The following SEC63 variants were observed in gnomAD, a reference collection of about 807,000 sequenced individuals.
The protein encoded by SEC63 is SEC63 protein translocation regulator.
A neutral mutation model predicts 116.2 loss-of-function variants in SEC63; 56 were observed. The observed-to-expected ratio is 0.48, with a 90% CI of 0.39 to 0.60. SEC63 has a LOEUF of 0.60. SEC63 is among the 20% of genes least tolerant of loss of function. The probability of loss-of-function intolerance (pLI) is 0.00; values close to 1 mark genes in which losing one functional copy is unlikely to be tolerated. For missense variants in SEC63, 668 were observed against 900.0 expected, an observed-to-expected ratio of 0.74 and a Z score of 3.30; for synonymous variants, 273 against 294.6, an observed-to-expected ratio of 0.93 and a Z score of 0.75.
At chr6:107,874,845 A>G (rs545331003) in intron 19 of SEC63, among the ~76,000 whole-genome samples, 111 of 152,062 alleles carry the variant, frequency 7.3e-4, no homozygotes, top group Middle Eastern at 6.8e-3. Flanking sequence ...ACCCAGCTAC[A>G]ATGTGTGATC....
intron 2 of SEC63, among the ~76,000 whole-genome samples, chr6:107,925,164 T>C (rs1036216395): frequency 3.9e-5 from 6 of 152,226 alleles, no homozygotes; most frequent in African/African-American, 1.4e-4. Context: ...ATTTTCTCAG[T>C]TACTATTTGC....
chr6:107,876,506 G>A lies in SEC63; in HGVS notation c.2034+58C>T, dbSNP rs1786269808. ...TTTTAAAAAAAAGATATATGAAGCA[G>A]CATGATGGTGACAGCTGTGCCTTGT... On this transcript the variant is annotated intron_variant, in intron 19 of 20. Coordinates refer to ENST00000369002, the MANE Select transcript of SEC63 (RefSeq NM_007214.5). The A allele has an allele frequency of 4.0e-6, 4 of 987,704 alleles. No individual in the cohort carries two copies. In the Admixed American group the frequency reaches 5.1e-5, roughly 13 times the overall value. The allele number at this position is 987,704 out of a possible 1,614,324, so 61.2% of individuals were successfully genotyped here. A position where few individuals can be genotyped will look rare whatever the true frequency, so the allele number is the denominator to read the frequency against.
intron 1 of SEC63, among the ~76,000 whole-genome samples, chr6:107,940,096 G>A (rs998433032): frequency 4.6e-5 from 7 of 152,132 alleles, no homozygotes; most frequent in Non-Finnish European, 7.4e-5. Flanking sequence ...TTACAGAAAC[G>A]TGGGTCCTAC....
intron 7 of SEC63, chr6:107,911,091 A>G: frequency 2.1e-6 from 1 of 482,712 alleles, no homozygotes. Flanking sequence ...TTAAAAGTAT[A>G]GTTATATAAT....
At chr6:107,879,348 CAG>C (rs1478146963) in intron 18 of SEC63, among the ~76,000 whole-genome samples, 3 of 151,788 alleles carry the variant, frequency 2.0e-5, no homozygotes, top group Non-Finnish European at 2.9e-5. Context: ...ATTTTTGAGA[CAG>C]AGTTTCACTC....
At chr6:107,918,631 G>A (rs1787470339) in intron 4 of SEC63, among the ~76,000 whole-genome samples, 1 of 150,864 alleles carries the variant, frequency 6.6e-6, no homozygotes, top group South Asian at 2.1e-4. Flanking sequence ...GGCAAAGGTA[G>A]CAGTAAGCCA....
chr6:107,925,299 C>T (rs1361081824), intron 2 of SEC63, among the ~76,000 whole-genome samples: 1 of 152,004 alleles, frequency 6.6e-6, no homozygotes, highest in African/African-American at 2.4e-5. Flanking sequence ...CCAGCAATTA[C>T]ACTTTTATTA....
At chr6:107,877,138 G>A (rs977269588) in intron 18 of SEC63, 1 of 152,850 alleles carries the variant, frequency 6.5e-6, no homozygotes, top group Admixed American at 6.5e-5. Context: ...TATTTTAGAA[G>A]GCCAAGAAGT....
intron 19 of SEC63, among the ~76,000 whole-genome samples, chr6:107,874,196 A>G (rs1210538467): frequency 1.3e-5 from 2 of 152,200 alleles, no homozygotes; most frequent in Non-Finnish European, 2.9e-5. Context: ...CAAAAACACA[A>G]AGATGAATAA....
intron 1 of SEC63, among the ~76,000 whole-genome samples, chr6:107,955,573 A>G (rs1026949131): frequency 3.9e-5 from 6 of 152,224 alleles, no homozygotes; most frequent in African/African-American, 1.4e-4. Context: ...AAAGACACTT[A>G]CATGCTGAAG....
At chr6:107,909,245 G>A (rs1245878065) in intron 7 of SEC63, 3 of 449,602 alleles carry the variant, frequency 6.7e-6, no homozygotes, top group African/African-American at 4.0e-5. Context: ...GGGCATGGTG[G>A]CACATGCCTC....
rs567839828 is a variant in SEC63 at position 107,938,326 on chromosome 6, C to T, written c.125-8812G>A. ...ACTACAGTGGTGCCATCACGGTTCA[C>T]TGCATCCTCAACCTTCCAGGCTCAA... On this transcript the variant is annotated intron_variant, in intron 1 of 20. Transcript: ENST00000369002. Among the ~76,000 whole-genome samples, 54 of 145,190 alleles carry T rather than the reference C, an allele frequency of 3.7e-4. 2 individuals are homozygous for T. The highest frequency in any genetic ancestry group is 1.3e-3 in the African/African-American group (51 of 39,726).
At chr6:107,881,369 C>A in intron 17 of SEC63, 119 bp from the exon 18 acceptor site, 1 of 698,594 alleles carries the variant, frequency 1.4e-6, no homozygotes, top group South Asian at 1.6e-5. Context: ...CAAGTTCAGT[C>A]TCACAAATCT....
chr6:107,921,933 AC>A (rs547274318), intron 3 of SEC63, 24 bp from the exon 4 acceptor site: 80 of 1,340,214 alleles, frequency 6.0e-5, no homozygotes, highest in Middle Eastern at 5.4e-4. Context: ...AAAAAAAAAA[AC>A]AAGCTTTCTG....
At chr6:107,913,278 A>G (rs1787327945) in intron 5 of SEC63, 88 bp downstream of exon 5, 1 of 909,614 alleles carries the variant, frequency 1.1e-6, no homozygotes, top group Admixed American at 1.8e-5. Context: ...TAAGTTTAGT[A>G]AGAAAATAAT....
At chr6:107,957,102 G>A (rs977461742) in intron 1 of SEC63, 4 of 152,052 alleles carry the variant, frequency 2.6e-5, no homozygotes, top group African/African-American at 9.7e-5. Flanking sequence ...AAAAGAATCT[G>A]TTATTCTGTG....
rs1252870574 is a variant in SEC63, at chr6:107,870,389, C to A, written c.*1315G>T. On this transcript the variant is annotated 3_prime_UTR_variant, in exon 21 of 21. Coordinates refer to ENST00000369002, the MANE Select transcript of SEC63 (RefSeq NM_007214.5). ...TAGTATTCTGCACTGAAAGTGGCAA[C>A]CTTTTAAAGTAAACAAGGTTGCAAA... The A allele has an allele frequency of 6.6e-6, 1 of 152,660 alleles. No homozygotes were observed. Among genetic ancestry groups the A allele is most frequent in the East Asian group, 1.9e-4 (1 of 5,174 alleles). The allele number at this position is 152,660 out of a possible 1,614,324, so 9.5% of individuals were successfully genotyped here.
At chr6:107,942,714 GA>G (rs1193360616) in intron 1 of SEC63, among the ~76,000 whole-genome samples, 1 of 152,122 alleles carries the variant, frequency 6.6e-6, no homozygotes, top group Non-Finnish European at 1.5e-5. Flanking sequence ...CCGTTGACTG[GA>G]AGCCTTATGG....
intron 4 of SEC63, among the ~76,000 whole-genome samples, chr6:107,915,305 A>G (rs1787373653): frequency 6.6e-6 from 1 of 152,078 alleles, no homozygotes; most frequent in African/African-American, 2.4e-5. Context: ...GCCCTGGGAA[A>G]AATGCACATT....
Sources: gnomAD v4.1 joint callset for allele counts (sites outside exome capture counted in the v4.1 genomes callset) on GRCh38, gnomAD v4.1.1 for gene constraint, MANE v1.5 for transcripts, NCBI Gene and HGNC (gene_info 2026-07-23, HGNC 2026-07-21) for gene names.